The following ASB3 variants were observed in gnomAD, a reference collection of about 807,000 sequenced individuals.
ASB3 encodes ankyrin repeat and SOCS box containing 3.
ASB3 carries 41 observed loss-of-function variants against 54.5 expected under a neutral mutation model. That is an observed-to-expected ratio of 0.75 (90% CI 0.59 to 0.98). The LOEUF (loss-of-function observed/expected upper bound fraction) is 0.98, where lower values mean the gene tolerates loss of function less well. ASB3 is among the 50% of genes least tolerant of loss of function. ASB3 has a pLI of 0.00. For synonymous variants in ASB3, 266 were observed against 221.2 expected, an observed-to-expected ratio of 1.20 and a Z score of -1.80; for missense variants, 733 against 620.0, an observed-to-expected ratio of 1.18 and a Z score of -1.94.
intron 2 of ASB3, among the ~76,000 whole-genome samples, chr2:53,756,588 T>C (rs768192750): frequency 1.3e-5 from 2 of 152,016 alleles, no homozygotes; most frequent in African/African-American, 4.8e-5. Flanking sequence ...CCCTCACCAA[T>C]GTGGGCAGGC....
At chr2:53,767,718 C>A (rs1309821984) in intron 1 of ASB3, 1 of 744,984 alleles carries the variant, frequency 1.3e-6, no homozygotes, top group Admixed American at 2.9e-5. Context: ...TGACTGAGAT[C>A]CGCTCGGAAA....
At chr2:53,784,723 T>C (rs562809491) in intron 1 of ASB3, among the ~76,000 whole-genome samples, 2 of 152,328 alleles carry the variant, frequency 1.3e-5, no homozygotes, top group African/African-American at 4.8e-5. Context: ...CTTATAAAGA[T>C]ACCAGTCACC....
At chr2:53,732,285 T>C (rs1163976945) in intron 3 of ASB3, among the ~76,000 whole-genome samples, 4 of 151,538 alleles carry the variant, frequency 2.6e-5, no homozygotes, top group Admixed American at 2.6e-4. Context: ...AAAAAATAAC[T>C]GAAAATTAAA....
intron 9 of ASB3, among the ~76,000 whole-genome samples, chr2:53,690,253 AT>A (rs1461130276): frequency 6.7e-6 from 1 of 149,776 alleles, no homozygotes; most frequent in South Asian, 2.1e-4. Flanking sequence ...AAATAAATAA[AT>A]TAATTAATTA....
At chr2:53,685,632 C>T (rs971738331) in intron 9 of ASB3, among the ~76,000 whole-genome samples, 4 of 152,214 alleles carry the variant, frequency 2.6e-5, no homozygotes, top group Admixed American at 1.3e-4. Context: ...TATGGAAAGA[C>T]TACCTTATAA....
At chr2:53,721,388 T>TA (rs1269044708) in intron 5 of ASB3, among the ~76,000 whole-genome samples, 53 of 118,564 alleles carry the variant, frequency 4.5e-4, no homozygotes, top group Non-Finnish European at 7.9e-4. Context: ...ACCCCATCTC[T>TA]ACTAAACTAC....
At chr2:53,719,240 T>C (rs939983650) in intron 5 of ASB3, among the ~76,000 whole-genome samples, 7 of 152,126 alleles carry the variant, frequency 4.6e-5, no homozygotes, top group Non-Finnish European at 8.8e-5. Context: ...AATATTCTTA[T>C]ATCAGATAAA....
At chr2:53,714,981 C>T (rs1670306950) in intron 6 of ASB3, among the ~76,000 whole-genome samples, 1 of 152,032 alleles carries the variant, frequency 6.6e-6, no homozygotes, top group Non-Finnish European at 1.5e-5. Context: ...AGAAAATGCA[C>T]TATTTTCCTT....
chr2:53,741,659 A>G (rs1671940982), intron 3 of ASB3, among the ~76,000 whole-genome samples: 1 of 152,198 alleles, frequency 6.6e-6, no homozygotes, highest in African/African-American at 2.4e-5. Flanking sequence ...ACTAGAATTC[A>G]AATTATTACA....
Position 53,670,524 on chromosome 2 carries a change from C to T in ASB3, c.1536G>A (p.Leu512=). 1.2e-6 allele frequency: 2 copies of T among 1,613,566 alleles called. No homozygotes were observed. Among genetic ancestry groups the T allele is most frequent in the Non-Finnish European group, 8.5e-7 (1 of 1,179,902 alleles). Residue 512 remains leucine, a synonymous_variant, in exon 10 of 10, where the codon CTG becomes CTA. Transcript: ENST00000263634. Reference sequence around the variant, plus strand: ...TGATTTATCCATCTTGAATAGCTGCCAGTTCTGGAACTTCATACATCCTCA... The same window carrying T: ...TGATTTATCCATCTTGAATAGCTGCTAGTTCTGGAACTTCATACATCCTCA... ...DVLRMYEVPE[L]AAIQDG
chr2:53,699,988 A>T (rs1558524324), intron 8 of ASB3, among the ~76,000 whole-genome samples: 1 of 152,198 alleles, frequency 6.6e-6, no homozygotes, highest in Non-Finnish European at 1.5e-5. Flanking sequence ...GCATTTTAAG[A>T]GAAGCATGAG....
At chr2:53,670,818 T>C in intron 9 of ASB3, 128 bp from the exon 10 acceptor site, 4 of 1,096,518 alleles carry the variant, frequency 3.6e-6, no homozygotes, top group Non-Finnish European at 5.1e-6. Context: ...GAAGACTACT[T>C]TGAGTCAGTA....
chr2:53,746,907 A>G (rs554893736), intron 3 of ASB3, among the ~76,000 whole-genome samples: 2 of 152,280 alleles, frequency 1.3e-5, no homozygotes, highest in Non-Finnish European at 2.9e-5. Context: ...CAAATTTACC[A>G]TTTACAAAAT....
chr2:53,756,732 C>T (rs1399112353), intron 2 of ASB3: 1 of 152,920 alleles, frequency 6.5e-6, no homozygotes, highest in Non-Finnish European at 1.5e-5. Context: ...CGTGTTTGTT[C>T]CAGTTCAAAC....
intron 1 of ASB3, 74 bp from the exon 2 acceptor site, chr2:53,765,659 G>T: frequency 6.4e-7 from 1 of 1,560,032 alleles, no homozygotes; most frequent in East Asian, 2.3e-5. Context: ...AGCAAATCAC[G>T]GTGGGCCTGT....
chr2:53,719,349 A>C (rs1431605732), intron 5 of ASB3, among the ~76,000 whole-genome samples: 1 of 152,222 alleles, frequency 6.6e-6, no homozygotes, highest in Non-Finnish European at 1.5e-5. Context: ...GAGTATCACC[A>C]TCTTGCACAA....
At chr2:53,751,953 T>G (rs1419451991) in intron 2 of ASB3, among the ~76,000 whole-genome samples, 1 of 152,212 alleles carries the variant, frequency 6.6e-6, no homozygotes, top group African/African-American at 2.4e-5. Flanking sequence ...TTGACTCTTA[T>G]TCAAAGTAGT....
At chr2:53,744,184 G>C (rs1054659790) in intron 3 of ASB3, among the ~76,000 whole-genome samples, 5 of 151,872 alleles carry the variant, frequency 3.3e-5, no homozygotes, top group Non-Finnish European at 5.9e-5. Flanking sequence ...AGACCATCCT[G>C]GCTAACACGG....
chr2:53,725,948 C>T (rs907193306), intron 5 of ASB3, among the ~76,000 whole-genome samples: 1 of 151,364 alleles, frequency 6.6e-6, no homozygotes. Context: ...TTTTTTAATG[C>T]GTTATTTTGA....
Sources: allele counts gnomAD v4.1 joint callset (sites outside exome capture counted in the v4.1 genomes callset), GRCh38; gene constraint gnomAD v4.1.1; transcripts MANE v1.5; gene names NCBI Gene and HGNC (gene_info 2026-07-23, HGNC 2026-07-21).